The following PDZRN3 variants were observed in gnomAD, a reference collection of about 807,000 sequenced individuals.
PDZRN3 encodes PDZ domain containing ring finger 3.
Under a neutral mutation model 85.7 loss-of-function variants are expected in PDZRN3, and 38 were observed. The observed-to-expected ratio is 0.44, with a 90% confidence interval of 0.34 to 0.58. PDZRN3 has a LOEUF of 0.58. PDZRN3 is among the 20% of genes least tolerant of loss of function. The probability of loss-of-function intolerance (pLI) is 0.01; values close to 1 mark genes in which losing one functional copy is unlikely to be tolerated. For missense variants in PDZRN3, 1,629 were observed against 1,506.4 expected, an observed-to-expected ratio of 1.08 and a Z score of -1.35; for synonymous variants, 759 against 638.0, an observed-to-expected ratio of 1.19 and a Z score of -2.86.
At chr3:73,416,057 G>T (rs1258727426) in intron 3 of PDZRN3, among the ~76,000 whole-genome samples, 2 of 151,322 alleles carry the variant, frequency 1.3e-5, no homozygotes, top group African/African-American at 2.4e-5. Flanking sequence ...AAGATTAAGG[G>T]TTTTTTTTGT....
intron 3 of PDZRN3, among the ~76,000 whole-genome samples, chr3:73,413,017 A>C (rs985880854): frequency 6.6e-6 from 1 of 152,164 alleles, no homozygotes; most frequent in Non-Finnish European, 1.5e-5. Flanking sequence ...CCCTCGATAG[A>C]ATATGAGGAA....
At chr3:73,425,806 T>C (rs1443314505) in intron 3 of PDZRN3, among the ~76,000 whole-genome samples, 2 of 152,184 alleles carry the variant, frequency 1.3e-5, no homozygotes, top group African/African-American at 4.8e-5. Context: ...ATGATGTTGT[T>C]TAATTGACAG....
At chr3:73,462,417 C>A (rs569485578) in intron 3 of PDZRN3, among the ~76,000 whole-genome samples, 72 of 152,028 alleles carry the variant, frequency 4.7e-4, no homozygotes, top group African/African-American at 1.7e-3. Flanking sequence ...TGGTGGTGGG[C>A]CCCTGTAGTC....
intron 3 of PDZRN3, among the ~76,000 whole-genome samples, chr3:73,451,755 C>G (rs1315949341): frequency 3.9e-5 from 6 of 152,118 alleles, no homozygotes; most frequent in African/African-American, 1.4e-4. Context: ...TTGCTGATGC[C>G]AAGTAACTCT....
At chr3:73,525,788 C>T (rs907989801) in intron 3 of PDZRN3, among the ~76,000 whole-genome samples, 10 of 152,270 alleles carry the variant, frequency 6.6e-5, no homozygotes, top group African/African-American at 1.4e-4. Flanking sequence ...ACCCCCTCAG[C>T]GAGGGCTTCC....
chr3:73,461,909 C>T (rs561728741), intron 3 of PDZRN3, among the ~76,000 whole-genome samples: 3 of 152,234 alleles, frequency 2.0e-5, no homozygotes, highest in Admixed American at 6.5e-5. Context: ...CAGATACTCT[C>T]GGGTGACACT....
At chr3:73,454,487 G>T (rs1702939469) in intron 3 of PDZRN3, among the ~76,000 whole-genome samples, 1 of 152,162 alleles carries the variant, frequency 6.6e-6, no homozygotes, top group African/African-American at 2.4e-5. Flanking sequence ...TCGTCCAAGA[G>T]TTCCTGATAC....
In PDZRN3 at chr3:73,384,022, G is replaced by T. The variant is rs199550626; in HGVS notation, c.2544C>A (p.Ser848Arg). ...KERRASDGSR[S>R]PTPSQKLGSA... Reference sequence around the variant, plus strand: ...TGCCCAGCTTCTGGCTGGGCGTGGGGCTCCGGCTCCCGTCGCTGGCTCTCC... The same window carrying T: ...TGCCCAGCTTCTGGCTGGGCGTGGGTCTCCGGCTCCCGTCGCTGGCTCTCC... Residue 848 changes from serine to arginine, a missense_variant, in exon 10 of 10, where the codon AGC becomes AGA. Ser to Arg is a moderately radical substitution (Grantham distance 110). Coordinates refer to ENST00000263666, the MANE Select transcript of PDZRN3 (RefSeq NM_015009.3). The T allele has an allele frequency of 6.3e-7, 1 of 1,591,922 alleles. No individual in the cohort carries two copies.
chr3:73,593,707 TATACACACACACACAC>T (rs1702393473), intron 3 of PDZRN3, among the ~76,000 whole-genome samples: 1 of 100,900 alleles, frequency 9.9e-6, no homozygotes, highest in Non-Finnish European at 2.0e-5. Context: ...CCGAAATAAA[TATACACACACACACAC>T]ACACACACAC....
chr3:73,531,199 C>T (rs558392142), intron 3 of PDZRN3, among the ~76,000 whole-genome samples: 2,290 of 140,970 alleles, frequency 0.016, 24 homozygotes, highest in Middle Eastern at 0.034. Context: ...TGCAGTGAGC[C>T]GAGATCGCGC....
chr3:73,418,862 T>A (rs564429058), intron 3 of PDZRN3, among the ~76,000 whole-genome samples: 22 of 152,328 alleles, frequency 1.4e-4, no homozygotes, highest in African/African-American at 4.8e-4. Flanking sequence ...GATGACAGAA[T>A]AACCCTGGGT....
At chr3:73,488,787 A>G (rs1481726353) in intron 3 of PDZRN3, among the ~76,000 whole-genome samples, 1 of 152,162 alleles carries the variant, frequency 6.6e-6, no homozygotes, top group Non-Finnish European at 1.5e-5. Flanking sequence ...TTTATCTTAA[A>G]ATTTGTGTTT....
chr3:73,477,307 CACAT>C (rs1171880688), intron 3 of PDZRN3, among the ~76,000 whole-genome samples: 4 of 152,152 alleles, frequency 2.6e-5, no homozygotes, highest in Non-Finnish European at 4.4e-5. Context: ...TGCTCCAGGA[CACAT>C]AACTAGGAAG....
chr3:73,592,249 A>C (rs1702367775), intron 3 of PDZRN3, among the ~76,000 whole-genome samples: 1 of 152,218 alleles, frequency 6.6e-6, no homozygotes, highest in African/African-American at 2.4e-5. Context: ...AGAACAAAAA[A>C]AACCTGTCTT....
chr3:73,452,004 G>A (rs1450819046), intron 3 of PDZRN3, among the ~76,000 whole-genome samples: 3 of 152,148 alleles, frequency 2.0e-5, no homozygotes, highest in African/African-American at 4.8e-5. Context: ...AAACAGAATC[G>A]AATCTTTACT....
At chr3:73,467,024 C>A (rs1020552891) in intron 3 of PDZRN3, among the ~76,000 whole-genome samples, 1 of 152,086 alleles carries the variant, frequency 6.6e-6, no homozygotes, top group African/African-American at 2.4e-5. Context: ...GCTAAGATAC[C>A]CCCAGTTTAT....
chr3:73,571,401 T>A (rs1482283348), intron 3 of PDZRN3, among the ~76,000 whole-genome samples: 2 of 152,192 alleles, frequency 1.3e-5, no homozygotes, highest in Non-Finnish European at 2.9e-5. Context: ...GCTTTTTATG[T>A]CAATGTCCTT....
At chr3:73,470,581 T>C (rs7650855) in intron 3 of PDZRN3, among the ~76,000 whole-genome samples, 44,816 of 152,042 alleles carry the variant, frequency 0.29, 8,575 homozygotes, top group African/African-American at 0.55. Flanking sequence ...CCCACCCCAC[T>C]TACTGCCCGC....
At chr3:73,602,186 C>G (rs978558457) in intron 3 of PDZRN3, among the ~76,000 whole-genome samples, 168 bp downstream of exon 3, 1 of 152,188 alleles carries the variant, frequency 6.6e-6, no homozygotes, top group Admixed American at 6.5e-5. Context: ...AAATTTAACA[C>G]CAAGGCAATC....
Sources: gnomAD v4.1 joint callset for allele counts (sites outside exome capture counted in the v4.1 genomes callset) on GRCh38, gnomAD v4.1.1 for gene constraint, MANE v1.5 for transcripts, NCBI Gene and HGNC (gene_info 2026-07-23, HGNC 2026-07-21) for gene names.